ATXN1: variants seen among roughly 807,000 people sequenced by gnomAD.
ATXN1 encodes ataxin-1.
Under a neutral mutation model 56.4 loss-of-function variants are expected in ATXN1, and 8 were observed. The observed-to-expected ratio is 0.14, with a 90% CI of 0.08 to 0.26. The LOEUF (loss-of-function observed/expected upper bound fraction) is 0.26. Among genes scored for constraint, ATXN1 ranks in the 10% least tolerant of loss-of-function variants. ATXN1 has a pLI of 1.00. For synonymous variants in ATXN1, 514 were observed against 494.6 expected (o/e 1.04, Z -0.52); for missense variants, 987 against 1,106.5 (o/e 0.89, Z 1.53).
intron 6 of ATXN1, among the ~76,000 whole-genome samples, chr6:16,403,182 C>T (rs1479299106): frequency 6.6e-6 from 1 of 152,206 alleles, no homozygotes; most frequent in Non-Finnish European, 1.5e-5. Flanking sequence ...AACCAGAATT[C>T]TGCCACATCC....
In ATXN1 at chr6:16,566,898, AG is replaced by A. The variant is rs1429588184; in HGVS notation, c.-361+18881del. Reference sequence around the variant, plus strand: ...CAACAACAACAAAAACATTTTGTAGAGGTGGGTCCTCACTGTGTTGCCTAGG... The same window carrying A: ...CAACAACAACAAAAACATTTTGTAGAGTGGGTCCTCACTGTGTTGCCTAGG... On this transcript the variant is annotated intron_variant, in intron 4 of 7. Coordinates refer to ENST00000436367, the MANE Select transcript of ATXN1 (RefSeq NM_001128164.2). Among the ~76,000 whole-genome samples the A allele has an allele frequency of 7.4e-3, 624 of 84,152 alleles. 6 individuals carry two copies. Among genetic ancestry groups the A allele is most frequent in the African/African-American group, 0.019 (594 of 31,932 alleles). The allele number at this position is 84,152 out of a possible 152,430, so 55.2% of individuals were successfully genotyped here. A position where few individuals can be genotyped will look rare whatever the true frequency, so the allele number is the denominator to read the frequency against.
Position 16,306,535 on chromosome 6 carries a change from C to T in ATXN1, c.2242G>A (p.Glu748Lys), listed in dbSNP as rs775289648. 6.2e-7 allele frequency: 1 copy of T among 1,614,216 alleles called. No individual in the cohort carries two copies. Among genetic ancestry groups the T allele is most frequent in the Non-Finnish European group, 8.5e-7 (1 of 1,180,036 alleles). The stretch of plus-strand genomic sequence containing the variant: ...GGCGCTGCAGGCAATCCCATTTTCT[C>T]TGGAAACTTCAGTTCGCCATTCTCA... ...LSENGELKFP[E>K]KMGLPAAPFL... The change falls in exon 8 of 8, where the codon GAG (glutamate) becomes AAG (lysine). Residue 748 changes from glutamate (E) to lysine (K), a missense_variant. By Grantham distance (56) the Glu-to-Lys change is moderately conservative. Around this residue, in one of 3 missense-constraint regions of ATXN1, gnomAD observed 196 missense variants for 196.7 expected, o/e 1.00. Coordinates refer to ENST00000436367, the MANE Select transcript of ATXN1 (RefSeq NM_001128164.2). This position sits in a 1 kb window ranked among gnomAD's most constrained non-coding sequence, Gnocchi z 5.2.
At chr6:16,549,080 T>C (rs1447487765) in intron 4 of ATXN1, among the ~76,000 whole-genome samples, 1 of 152,078 alleles carries the variant, frequency 6.6e-6, no homozygotes, top group Non-Finnish European at 1.5e-5. Flanking sequence ...CATGGACCTG[T>C]CATCTCCTAT....
intron 6 of ATXN1, among the ~76,000 whole-genome samples, chr6:16,413,014 CTCTA>C (rs986416782): frequency 4.6e-5 from 7 of 152,292 alleles, no homozygotes; most frequent in African/African-American, 9.6e-5. Context: ...GTGATGAGGT[CTCTA>C]TCTATTCACA....
At chr6:16,528,503 T>C (rs1761437578) in intron 4 of ATXN1, among the ~76,000 whole-genome samples, 2 of 152,206 alleles carry the variant, frequency 1.3e-5, no homozygotes, top group Non-Finnish European at 2.9e-5. Context: ...ACCGTGCTGA[T>C]ACTACATGTT....
At chr6:16,634,745 T>C (rs1763563584) in intron 3 of ATXN1, among the ~76,000 whole-genome samples, 1 of 152,244 alleles carries the variant, frequency 6.6e-6, no homozygotes, top group African/African-American at 2.4e-5. Context: ...CTTTGCTTAC[T>C]GGTTGTTTTT....
chr6:16,665,352 T>G (rs1481651145), intron 2 of ATXN1, among the ~76,000 whole-genome samples: 1 of 152,198 alleles, frequency 6.6e-6, no homozygotes, highest in Non-Finnish European at 1.5e-5. Context: ...AAAATTATAT[T>G]AGTTCAGTGA....
intron 2 of ATXN1, among the ~76,000 whole-genome samples, chr6:16,703,340 G>T (rs1759330250): frequency 6.6e-6 from 1 of 152,142 alleles, no homozygotes; most frequent in Non-Finnish European, 1.5e-5. Flanking sequence ...GTGGGGTGGG[G>T]GGAAGGGGGA....
intron 3 of ATXN1, among the ~76,000 whole-genome samples, chr6:16,635,231 C>T (rs1164150443): frequency 6.6e-6 from 1 of 152,164 alleles, no homozygotes; most frequent in Non-Finnish European, 1.5e-5. Context: ...TCTCCCATCA[C>T]CCCTAGATGG....
rs553812511 is a variant in ATXN1 at position 16,630,525 on chromosome 6, T to C, written c.-489+27251A>G. 3.3e-4 allele frequency among the ~76,000 whole-genome samples: 50 copies of C among 152,292 alleles called. 1 individual carries two copies. Among genetic ancestry groups the C allele is most frequent in the Middle Eastern group, 6.8e-3 (2 of 294 alleles). On this transcript the variant is annotated intron_variant, in intron 3 of 7. Transcript: ENST00000436367. ...TAACAGAAGTGACCACTCCAATGCATTGATGATATCAGAGCATGACAGGTC... is the reference window on the plus strand; with the variant it reads ...TAACAGAAGTGACCACTCCAATGCACTGATGATATCAGAGCATGACAGGTC...
At chr6:16,446,050 G>A (rs1339644370) in intron 6 of ATXN1, among the ~76,000 whole-genome samples, 1 of 151,638 alleles carries the variant, frequency 6.6e-6, no homozygotes. Context: ...GTAATGGGAT[G>A]GCTGGGTCAA....
At chr6:16,641,987 G>A (rs185914792) in intron 3 of ATXN1, among the ~76,000 whole-genome samples, 1 of 152,300 alleles carries the variant, frequency 6.6e-6, no homozygotes, top group African/African-American at 2.4e-5. Flanking sequence ...GAAACAGCAA[G>A]AGAACCAGAA....
In ATXN1 at chr6:16,760,126, A is replaced by C. The variant is rs1313125541; in HGVS notation, c.-730+1172T>G. On this transcript the variant is annotated intron_variant, in intron 1 of 7. Coordinates refer to ENST00000436367, the MANE Select transcript of ATXN1 (RefSeq NM_001128164.2). This position sits in a 1 kb window ranked among gnomAD's most constrained non-coding sequence, Gnocchi z 5.3. ...CCGGCCTGCGCGCAGCACTGGAACC[A>C]CGTAGGAGGAGGCGGCGGCGCCCCC... 6.6e-6 allele frequency among the ~76,000 whole-genome samples: 1 copy of C among 151,684 alleles called. No homozygotes were observed. Among genetic ancestry groups the C allele is most frequent in the Non-Finnish European group, 1.5e-5 (1 of 67,838 alleles).
intron 2 of ATXN1, among the ~76,000 whole-genome samples, chr6:16,719,595 A>T (rs939378945): frequency 2.0e-5 from 3 of 152,180 alleles, no homozygotes; most frequent in Non-Finnish European, 2.9e-5. Flanking sequence ...TTAACCACAC[A>T]ATGGCCTTTG....
At chr6:16,335,947 AC>A (rs1761114043) in intron 6 of ATXN1, among the ~76,000 whole-genome samples, 2 of 152,210 alleles carry the variant, frequency 1.3e-5, no homozygotes, top group Admixed American at 6.5e-5. Flanking sequence ...TTAATTTTAG[AC>A]TTCAAGCCTC....
chr6:16,748,614 G>A (rs1381026105), intron 2 of ATXN1, among the ~76,000 whole-genome samples: 1 of 152,152 alleles, frequency 6.6e-6, no homozygotes, highest in African/African-American at 2.4e-5. Context: ...TAGTAAATGT[G>A]AACTATTGAT....
At chr6:16,703,480 T>C (rs1055086816) in intron 2 of ATXN1, among the ~76,000 whole-genome samples, 8 of 152,170 alleles carry the variant, frequency 5.3e-5, no homozygotes, top group African/African-American at 4.8e-5. Flanking sequence ...TAAAGTATAA[T>C]TTTAAAAAAA....
chr6:16,418,012 C>T (rs978205913), intron 6 of ATXN1, among the ~76,000 whole-genome samples: 1 of 152,144 alleles, frequency 6.6e-6, no homozygotes, highest in Non-Finnish European at 1.5e-5. Flanking sequence ...ATGAGTAAAT[C>T]AACGAATGAA....
intron 6 of ATXN1, among the ~76,000 whole-genome samples, chr6:16,370,186 A>G (rs1477127526): frequency 6.6e-6 from 1 of 152,026 alleles, no homozygotes; most frequent in Non-Finnish European, 1.5e-5. Flanking sequence ...AAGTTAAGTG[A>G]TGTTCTCCAG....
Sources: gnomAD v4.1 joint callset for allele counts (sites outside exome capture counted in the v4.1 genomes callset) on GRCh38, gnomAD v4.1.1 for gene constraint, gnomAD v4.1.1 regional missense constraint, Gnocchi (gnomAD v3.1) non-coding constraint, MANE v1.5 for transcripts, NCBI Gene and HGNC (gene_info 2026-07-23, HGNC 2026-07-21) for gene names.